The following CREBBP variants were observed in gnomAD, a reference collection of about 807,000 sequenced individuals.
CREBBP encodes CREB binding lysine acetyltransferase.
Under a neutral mutation model 265.0 loss-of-function variants are expected in CREBBP, and 19 were observed. The ratio of observed to expected loss-of-function variants is 0.07; its 90% CI spans 0.05 to 0.11. The LOEUF is 0.11. Ranked by LOEUF, CREBBP falls within the 10% of genes least tolerant of loss-of-function variation. The pLI is 1.00. For synonymous variants in CREBBP, 1,457 were observed against 1,223.7 expected (o/e 1.19, Z -3.98); for missense variants, 2,525 against 3,219.0 (o/e 0.78, Z 5.22).
At chr16:3,748,125 A>G (rs1482925016) in intron 21 of CREBBP, among the ~76,000 whole-genome samples, 2 of 151,886 alleles carry the variant, frequency 1.3e-5, no homozygotes, top group African/African-American at 2.4e-5. Flanking sequence ...ACATACATAC[A>G]TAAGTTAGCT....
intron 1 of CREBBP, among the ~76,000 whole-genome samples, chr16:3,857,865 G>C (rs2054996003): frequency 6.6e-6 from 1 of 152,216 alleles, no homozygotes; most frequent in South Asian, 2.1e-4. Context: ...TGAGAGAAAA[G>C]AGAGGCTACA....
chr16:3,759,189 G>A (rs1403019560), intron 16 of CREBBP, among the ~76,000 whole-genome samples: 4 of 152,144 alleles, frequency 2.6e-5, no homozygotes, highest in African/African-American at 4.8e-5. Flanking sequence ...ACAACACTGG[G>A]AAGTTTGCTT....
intron 5 of CREBBP, among the ~76,000 whole-genome samples, chr16:3,787,183 C>T (rs894402706): frequency 1.4e-4 from 21 of 152,210 alleles, no homozygotes; most frequent in African/African-American, 4.8e-4. Context: ...TCCTACCTGG[C>T]ACCTTCCTAT....
At chr16:3,798,190 G>T (rs2053644168) in intron 3 of CREBBP, among the ~76,000 whole-genome samples, 1 of 152,230 alleles carries the variant, frequency 6.6e-6, no homozygotes, top group African/African-American at 2.4e-5. Context: ...TCAAGGTGGA[G>T]CAAACACTTC....
intron 26 of CREBBP, among the ~76,000 whole-genome samples, chr16:3,737,925 T>A (rs2052108689): frequency 6.6e-6 from 1 of 151,602 alleles, no homozygotes; most frequent in Non-Finnish European, 1.5e-5. Flanking sequence ...GTAGCTGGGA[T>A]TACAGGCTCA....
intron 23 of CREBBP, 89 bp downstream of exon 23, chr16:3,744,805 T>A: frequency 1.0e-6 from 1 of 977,088 alleles, no homozygotes; most frequent in South Asian, 1.3e-5. Flanking sequence ...CAGAACCATG[T>A]GTTGAGAGGA....
At chr16:3,870,103 C>T (rs998925048) in intron 1 of CREBBP, among the ~76,000 whole-genome samples, 4 of 151,702 alleles carry the variant, frequency 2.6e-5, no homozygotes, top group African/African-American at 7.3e-5. Context: ...ATCCACAAAT[C>T]GGGGAAAAAT....
At position 3,736,101 on chromosome 16, in the gene CREBBP, C is replaced by T; in HGVS notation, c.4663G>A (p.Glu1555Lys). 1 of 1,614,226 alleles carries T rather than the reference C, an allele frequency of 6.2e-7. No individual in the cohort carries two copies. Among genetic ancestry groups the T allele is most frequent in the Non-Finnish European group, 8.5e-7 (1 of 1,180,032 alleles). ...CTCTCCTCTTCTTCTTGTTCTAGTT[C>T]CTTAATGCTCTCTTCTAACACATTG... ...WPNVLEESIK[E>K]LEQEEEERKK... Residue 1555 changes from glutamate (E) to lysine (K), a missense_variant, in exon 28 of 31, where the codon GAA (glutamate) becomes AAA (lysine). Physicochemically the swap from Glu to Lys is moderately conservative, Grantham distance 56. Around this residue, in one of 19 missense-constraint regions of CREBBP, gnomAD observed 93 missense variants for 161.5 expected, o/e 0.58. Transcript: ENST00000262367.
intron 15 of CREBBP, among the ~76,000 whole-genome samples, 153 bp downstream of exon 15, chr16:3,769,021 T>G (rs536410987): frequency 6.6e-6 from 1 of 152,212 alleles, no homozygotes; most frequent in South Asian, 2.1e-4. Context: ...CTGTTTTCAA[T>G]CAATTTCCTA....
chr16:3,819,026 G>A (rs887996329), intron 2 of CREBBP, among the ~76,000 whole-genome samples: 4 of 152,238 alleles, frequency 2.6e-5, no homozygotes, highest in Non-Finnish European at 4.4e-5. Context: ...CAAGTTCACC[G>A]GCCTCACGCC....
chr16:3,839,866 AAAGAG>A (rs1003223918), intron 2 of CREBBP, among the ~76,000 whole-genome samples: 4 of 152,024 alleles, frequency 2.6e-5, no homozygotes, highest in Non-Finnish European at 2.9e-5. Flanking sequence ...TGAGAGAAAG[AAAGAG>A]AAAAGAAAAG....
At chr16:3,852,243 A>G (rs2054867784) in intron 1 of CREBBP, among the ~76,000 whole-genome samples, 1 of 124,766 alleles carries the variant, frequency 8.0e-6, no homozygotes, top group African/African-American at 3.1e-5. Context: ...ATCTCGGCTC[A>G]CTGCAAGGTC....
intron 3 of CREBBP, among the ~76,000 whole-genome samples, chr16:3,808,952 C>T (rs147477808): frequency 3.9e-5 from 6 of 152,268 alleles, no homozygotes; most frequent in East Asian, 1.9e-4. Context: ...AGGTCAGTAC[C>T]GTTCCCTGAA....
At chr16:3,769,577 A>G (rs569500364) in intron 14 of CREBBP, among the ~76,000 whole-genome samples, 1 of 152,354 alleles carries the variant, frequency 6.6e-6, no homozygotes, top group East Asian at 1.9e-4. Context: ...AAGGCAGAGG[A>G]AACAGCAGAG....
At chr16:3,855,228 A>G (rs575465868) in intron 1 of CREBBP, among the ~76,000 whole-genome samples, 1 of 152,314 alleles carries the variant, frequency 6.6e-6, no homozygotes, top group South Asian at 2.1e-4. Flanking sequence ...AAAAGGATCA[A>G]AGGTTCCCTG....
chr16:3,861,671 G>C (rs201018458), intron 1 of CREBBP, among the ~76,000 whole-genome samples: 1 of 117,960 alleles, frequency 8.5e-6, no homozygotes, highest in Non-Finnish European at 1.8e-5. Context: ...AAAAAAAAAA[G>C]AAAGAGAAAA....
chr16:3,785,829 C>T (rs1209449923), intron 5 of CREBBP, among the ~76,000 whole-genome samples: 1 of 152,214 alleles, frequency 6.6e-6, no homozygotes, highest in African/African-American at 2.4e-5. Context: ...GAAGTCACAA[C>T]ACACCTGCAA....
In CREBBP at chr16:3,781,395, T is replaced by A. The variant is rs130020; in HGVS notation, c.1574-89A>T. The A allele has an allele frequency of 7.4e-4, 761 of 1,031,670 alleles. 1 individual carries two copies. The African/African-American group carries it at 0.011, about 15-fold the overall frequency. The allele number at this position is 1,031,670 out of a possible 1,614,324, so 63.9% of individuals were successfully genotyped here. ...GACAGATAACCAACATGCCACCATA[T>A]AAACAATTGGTGGTTATTTAAATAA... is the stretch of plus-strand genomic sequence containing the variant. On this transcript the variant is annotated intron_variant, in intron 6 of 30. Coordinates refer to ENST00000262367, the MANE Select transcript of CREBBP (RefSeq NM_004380.3).
In CREBBP at chr16:3,803,592, T is replaced by C. The variant is rs1019238982; in HGVS notation, c.975+7011A>G. Among the ~76,000 whole-genome samples the C allele has an allele frequency of 5.3e-5, 8 of 152,018 alleles. 1 individual carries two copies. The highest frequency in any genetic ancestry group is 3.2e-3 in the Middle Eastern group (1 of 316). ...TTTATAAGTAATCTTAAAGCTGTGA[T>C]TTAAAGTAGAAAGCAAATGGCTAAG... is the stretch of plus-strand genomic sequence containing the variant. On this transcript the variant is annotated intron_variant, in intron 3 of 30. Coordinates refer to ENST00000262367, the MANE Select transcript of CREBBP (RefSeq NM_004380.3).
Sources: allele counts gnomAD v4.1 joint callset (sites outside exome capture counted in the v4.1 genomes callset), GRCh38; gene constraint gnomAD v4.1.1; regional missense constraint gnomAD v4.1.1; transcripts MANE v1.5; gene names NCBI Gene and HGNC (gene_info 2026-07-23, HGNC 2026-07-21).